Variants in ZNF283 observed in about 807,000 individuals in gnomAD.
ZNF283 encodes zinc finger protein 41.
In ZNF283, 10 loss-of-function variants were observed where a neutral mutation model predicts 9.2. The ratio of observed to expected loss-of-function variants is 1.09; its 90% CI spans 0.67 to 1.85. The LOEUF (loss-of-function observed/expected upper bound fraction) is 1.85. Ranked by LOEUF, ZNF283 falls within the 40% of genes most tolerant of loss-of-function variation. The pLI is 0.00. For missense variants in ZNF283, 631 were observed against 760.1 expected (o/e 0.83, Z 2.00); for synonymous variants, 234 against 244.1 (o/e 0.96, Z 0.38).
rs140939474 is a variant in ZNF283 at position 43,851,418 on chromosome 19, G to GA, written c.*2790dup. 0.31 allele frequency: 43,691 copies of GA among 141,250 alleles called. 6,661 individuals are homozygous for GA. The highest frequency in any genetic ancestry group is 0.35 in the Non-Finnish European group (22,713 of 65,034). 8.7% of individuals were successfully genotyped at this position (141,250 alleles called of 1,614,324 possible). A position where few individuals can be genotyped will look rare whatever the true frequency, so the allele number is the denominator to read the frequency against. On this transcript the variant is annotated 3_prime_UTR_variant, in exon 7 of 7. Coordinates refer to ENST00000618787, the MANE Select transcript of ZNF283 (RefSeq NM_181845.2). The stretch of plus-strand genomic sequence containing the variant: ...GCTTATCAAAAGACTAAAGAGAAGT[G>GA]AAAAAAAAAAAAAGACGGCCGGGCG...
chr19:43,846,893 C>G, intron 6 of ZNF283, 46 bp from the exon 7 acceptor site: 88 of 714,436 alleles, frequency 1.2e-4, no homozygotes, highest in Middle Eastern at 4.4e-4. Context: ...TTTTTTTTTT[C>G]CCTAGTGAAG....
chr19:43,836,159 A>G (rs1306050954), intron 5 of ZNF283, among the ~76,000 whole-genome samples: 2 of 152,194 alleles, frequency 1.3e-5, no homozygotes, highest in African/African-American at 2.4e-5. Flanking sequence ...CTAAGCTCAT[A>G]TATTGGAGGA....
Position 43,828,297 on chromosome 19 carries a change from C to T in ZNF283, c.-65+16C>T, listed in dbSNP as rs191200816. On this transcript the variant is annotated intron_variant, in intron 2 of 6. Coordinates refer to ENST00000618787, the MANE Select transcript of ZNF283 (RefSeq NM_181845.2). The stretch of plus-strand genomic sequence containing the variant: ...CAAGGTTCAGGTGAGGTTTTTTATA[C>T]ATACTTTTTAAATACATACACATAC... 1.1e-4 allele frequency: 17 copies of T among 152,262 alleles called. No homozygotes were observed. The East Asian group carries it at 3.3e-3, about 29-fold the overall frequency. 9.4% of individuals were successfully genotyped at this position (152,262 alleles called of 1,614,324 possible).
chr19:43,843,585 A>G (rs569987890), intron 6 of ZNF283, among the ~76,000 whole-genome samples: 3 of 152,302 alleles, frequency 2.0e-5, no homozygotes, highest in South Asian at 2.1e-4. Flanking sequence ...TTCCTAATAC[A>G]TTAAGATTTT....
intron 2 of ZNF283, among the ~76,000 whole-genome samples, chr19:43,830,587 T>G (rs192460097): frequency 2.0e-5 from 3 of 152,138 alleles, no homozygotes; most frequent in Admixed American, 2.0e-4. Flanking sequence ...AAGACTGTAA[T>G]TGCCGGGAAA....
chr19:43,847,663 G>A lies in ZNF283; in HGVS notation c.1062G>A (p.Lys354=), dbSNP rs61745999. Residue 354 remains lysine (K), a synonymous_variant, in exon 7 of 7, where the codon AAG becomes AAA. Transcript: ENST00000618787. The stretch of plus-strand genomic sequence containing the variant: ...CTTATAAATGTAAAGAATGTGGGAA[G>A]GCCTTCAGTCGTGGCTATCAGCTTA... ...EKPYKCKECG[K]AFSRGYQLTQ... is the part of the protein sequence containing the mutation. 2.6e-3 allele frequency: 4,258 copies of A among 1,613,708 alleles called. 13 individuals carry two copies. The highest frequency in any genetic ancestry group is 0.019 in the Middle Eastern group (114 of 6,056).
rs1336161898 is a variant in ZNF283 at position 43,847,236 on chromosome 19, G to A, written c.635G>A (p.Cys212Tyr). Residue 212 changes from cysteine to tyrosine, a missense_variant, in exon 7 of 7, where the codon TGT (cysteine) becomes TAT (tyrosine). Cys to Tyr is a radical substitution (Grantham distance 194, BLOSUM62 -2). Transcript: ENST00000618787. ...NTEKSYVCKECGKACSHGSKL... is the reference protein window; with the variant it reads ...NTEKSYVCKEYGKACSHGSKL... ...GAGAAATCCTATGTTTGTAAGGAATGTGGGAAGGCTTGCAGTCATGGCTCA... is the reference window on the plus strand; with the variant it reads ...GAGAAATCCTATGTTTGTAAGGAATATGGGAAGGCTTGCAGTCATGGCTCA... 3 of 1,613,940 alleles carry A rather than the reference G, an allele frequency of 1.9e-6. No homozygotes were observed. The highest frequency in any genetic ancestry group is 1.7e-5 in the Admixed American group (1 of 60,020).
rs1411886361 is a variant in ZNF283, at chr19:43,851,683, C to T, written c.*3042C>T. 2 of 152,230 alleles carry T rather than the reference C, an allele frequency of 1.3e-5. No homozygotes were observed. The highest frequency in any genetic ancestry group is 4.8e-5 in the African/African-American group (2 of 41,462). The allele number at this position is 152,230 out of a possible 1,614,324, so 9.4% of individuals were successfully genotyped here. Reference sequence around the variant, plus strand: ...AGTGAGCCGAGATTGCGCCACTGCACTCCAGCCTGGGCGACAGAGCGAGAC... The same window carrying T: ...AGTGAGCCGAGATTGCGCCACTGCATTCCAGCCTGGGCGACAGAGCGAGAC... On this transcript the variant is annotated 3_prime_UTR_variant, in exon 7 of 7. Transcript: ENST00000618787.
rs1310863882 is a variant in ZNF283, at chr19:43,849,834, T to C, written c.*1193T>C. On this transcript the variant is annotated 3_prime_UTR_variant, in exon 7 of 7. Coordinates refer to ENST00000618787, the MANE Select transcript of ZNF283 (RefSeq NM_181845.2). ...CATATCCTTGGAAGAGTATCTGGTA[T>C]GTAGCCTATGCTTAATACATATTAG... The C allele has an allele frequency of 6.6e-6, 1 of 152,246 alleles. No individual in the cohort carries two copies. The highest frequency in any genetic ancestry group is 2.4e-5 in the African/African-American group (1 of 41,468). The allele number at this position is 152,246 out of a possible 1,614,324, so 9.4% of individuals were successfully genotyped here.
chr19:43,830,341 G>A (rs936440629), intron 2 of ZNF283, among the ~76,000 whole-genome samples: 2 of 152,160 alleles, frequency 1.3e-5, no homozygotes, highest in African/African-American at 4.8e-5. Flanking sequence ...GGCTCCTCAA[G>A]TGCTAGGATT....
At position 43,828,854 on chromosome 19, in the gene ZNF283, A is replaced by G. The variant is rs1309077281; in HGVS notation, c.-65+573A>G. Among the ~76,000 whole-genome samples the G allele has an allele frequency of 2.0e-5, 3 of 152,150 alleles. No homozygotes were observed. In the East Asian group the frequency reaches 5.8e-4, roughly 29 times the overall value. Reference sequence around the variant, plus strand: ...TGATGCTTAAAGAAAGGCAAGGTATAAGGGATTTTAAGTAAGGGAATGTTT... The same window carrying G: ...TGATGCTTAAAGAAAGGCAAGGTATGAGGGATTTTAAGTAAGGGAATGTTT... On this transcript the variant is annotated intron_variant, in intron 2 of 6. Transcript: ENST00000618787.
At chr19:43,842,813 G>A (rs1971265980) in intron 6 of ZNF283, among the ~76,000 whole-genome samples, 1 of 152,148 alleles carries the variant, frequency 6.6e-6, no homozygotes, top group Admixed American at 6.5e-5. Flanking sequence ...AATAGTACTA[G>A]TAATCATCAT....
At position 43,848,316 on chromosome 19, in the gene ZNF283, A is replaced by C; in HGVS notation, c.1715A>C (p.Lys572Thr). Reference protein sequence around the residue: ...QKIHTGEKPFKCKECGKAFSW... With the variant: ...QKIHTGEKPFTCKECGKAFSW... ...ATTCATACCGGTGAGAAACCTTTCA[A>C]ATGTAAGGAATGTGGGAAGGCCTTC... is the stretch of plus-strand genomic sequence containing the variant. The change falls in exon 7 of 7, where the codon AAA becomes ACA. Residue 572 changes from lysine (K) to threonine (T), a missense_variant. Lys to Thr is a moderately conservative substitution (Grantham distance 78). This residue lies in a region of ZNF283 where 444 missense variants were observed against 522.5 expected (regional missense o/e 0.85). Coordinates refer to ENST00000618787, the MANE Select transcript of ZNF283 (RefSeq NM_181845.2). The C allele has an allele frequency of 1.2e-6, 2 of 1,613,620 alleles. No homozygotes were observed. The highest frequency in any genetic ancestry group is 2.2e-5 in the South Asian group (2 of 90,962).
chr19:43,847,898 T>C lies in ZNF283; in HGVS notation c.1297T>C (p.Cys433Arg), dbSNP rs1442711740. 3.1e-6 allele frequency: 5 copies of C among 1,613,448 alleles called. No homozygotes were observed. The highest frequency in any genetic ancestry group is 4.2e-6 in the Non-Finnish European group (5 of 1,179,866). ...TCATACTGGTGAGAAACCTTATGAATGTAAAGAATGTGGAAAGGCCTTTAG... is the reference window on the plus strand; with the variant it reads ...TCATACTGGTGAGAAACCTTATGAACGTAAAGAATGTGGAAAGGCCTTTAG... The part of the protein sequence containing the change: ...RIHTGEKPYE[C>R]KECGKAFSRG... The change falls in exon 7 of 7, where the codon TGT becomes CGT. Residue 433 changes from cysteine (C) to arginine (R), a missense_variant. Cys to Arg is a radical substitution (Grantham distance 180). Around this residue, in one of 3 missense-constraint regions of ZNF283, gnomAD observed 444 missense variants for 522.5 expected, o/e 0.85. Transcript: ENST00000618787.
intron 4 of ZNF283, 46 bp from the exon 5 acceptor site, chr19:43,835,459 G>T (rs375475376): frequency 2.4e-6 from 3 of 1,260,738 alleles, no homozygotes; most frequent in Non-Finnish European, 3.4e-6. Context: ...GTCAGGATGG[G>T]ATCACTGAGG....
intron 3 of ZNF283, among the ~76,000 whole-genome samples, chr19:43,832,716 T>A (rs866902860): frequency 2.0e-5 from 3 of 152,116 alleles, no homozygotes; most frequent in South Asian, 2.1e-4. Context: ...TCATTTTCAA[T>A]AATAATGATG....
At chr19:43,828,654 AT>A (rs1394542017) in intron 2 of ZNF283, among the ~76,000 whole-genome samples, 2 of 151,782 alleles carry the variant, frequency 1.3e-5, no homozygotes, top group Non-Finnish European at 2.9e-5. Context: ...CATAATTAAA[AT>A]TTTTTTTTAA....
chr19:43,829,819 C>T (rs1211436955), intron 2 of ZNF283, among the ~76,000 whole-genome samples: 3 of 152,000 alleles, frequency 2.0e-5, no homozygotes, highest in Non-Finnish European at 2.9e-5. Context: ...GTCAGAAGTT[C>T]GAGACCAGCC....
Position 43,831,312 on chromosome 19 carries a change from T to A in ZNF283, c.-64-6T>A, listed in dbSNP as rs753251063. The A allele has an allele frequency of 6.3e-6, 10 of 1,590,230 alleles. No homozygotes were observed. The South Asian group carries it at 1.1e-4, about 18-fold the overall frequency. ...GGTGGTTTATCTCATTTGTGTTGAT[T>A]TACAGGAGAATCTTGACAGTGAATG... On this transcript the variant is annotated splice_region_variant and splice_polypyrimidine_tract_variant and intron_variant, in intron 2 of 6. Coordinates refer to ENST00000618787, the MANE Select transcript of ZNF283 (RefSeq NM_181845.2).
Sources: allele counts gnomAD v4.1 joint callset (sites outside exome capture counted in the v4.1 genomes callset), GRCh38; gene constraint gnomAD v4.1.1; regional missense constraint gnomAD v4.1.1; transcripts MANE v1.5; gene names NCBI Gene and HGNC (gene_info 2026-07-23, HGNC 2026-07-21).